SAMMSON: variants seen among roughly 807,000 people sequenced by gnomAD.
SAMMSON encodes survival associated mitochondrial melanoma specific oncogenic non-coding RNA, also known as long intergenic non-protein coding RNA 1212.
At chr3:70,383,357 A>AAC (rs949326105) in intron 9 of SAMMSON, among the ~76,000 whole-genome samples, 18 of 151,680 alleles carry the variant, frequency 1.2e-4, no homozygotes, top group Admixed American at 7.2e-4. Flanking sequence ...TAAAAAAAAA[A>AAC]AACAACCTTA....
intron 7 of SAMMSON, among the ~76,000 whole-genome samples, chr3:70,310,370 A>T (rs953073766): frequency 1.3e-5 from 2 of 151,548 alleles, no homozygotes; most frequent in Non-Finnish European, 2.9e-5. Context: ...TTTATGTATT[A>T]TTATTATTTT....
chr3:70,167,328 A>G (rs1160636752), intron 4 of SAMMSON, among the ~76,000 whole-genome samples: 4 of 152,044 alleles, frequency 2.6e-5, no homozygotes, highest in African/African-American at 7.2e-5. Flanking sequence ...GGTACAGAAT[A>G]TATAGTGAGT....
intron 4 of SAMMSON, among the ~76,000 whole-genome samples, chr3:70,235,593 C>T (rs1701599411): frequency 6.6e-6 from 1 of 152,174 alleles, no homozygotes; most frequent in Non-Finnish European, 1.5e-5. Flanking sequence ...CTGTCCTTGT[C>T]TTCTTTAATG....
At chr3:70,425,600 A>G (rs1701358345) in intron 2 of SAMMSON, among the ~76,000 whole-genome samples, 1 of 151,296 alleles carries the variant, frequency 6.6e-6, no homozygotes, top group Non-Finnish European at 1.5e-5. Context: ...TTTTTAGTAG[A>G]GACGGGGTTT....
chr3:70,242,240 C>T (rs1223008872), intron 4 of SAMMSON, among the ~76,000 whole-genome samples: 1 of 152,110 alleles, frequency 6.6e-6, no homozygotes, highest in East Asian at 1.9e-4. Flanking sequence ...ATTCATATGC[C>T]TCCAATTAAT....
At chr3:70,095,053 A>G (rs1320197632) in intron 4 of SAMMSON, among the ~76,000 whole-genome samples, 2 of 152,232 alleles carry the variant, frequency 1.3e-5, no homozygotes, top group East Asian at 3.9e-4. Context: ...ATTTGGGGTC[A>G]GCATGAAACA....
chr3:70,119,197 G>A (rs2067423188), intron 4 of SAMMSON, among the ~76,000 whole-genome samples: 1 of 152,110 alleles, frequency 6.6e-6, no homozygotes. Flanking sequence ...CTCCTGAGTA[G>A]CTGGGATTAC....
At chr3:70,281,810 A>T (rs1176978031) in intron 6 of SAMMSON, among the ~76,000 whole-genome samples, 1 of 152,180 alleles carries the variant, frequency 6.6e-6, no homozygotes, top group Non-Finnish European at 1.5e-5. Context: ...CATATGAATC[A>T]TAAGTGCACC....
intron 3 of SAMMSON, among the ~76,000 whole-genome samples, chr3:70,065,872 C>T (rs2067207642): frequency 6.6e-6 from 1 of 152,116 alleles, no homozygotes; most frequent in East Asian, 1.9e-4. Context: ...TGGTTGCCAA[C>T]AGGTGTCACC....
chr3:70,074,916 A>G (rs978235769), intron 4 of SAMMSON: 7 of 152,022 alleles, frequency 4.6e-5, no homozygotes, highest in Non-Finnish European at 7.4e-5. Flanking sequence ...AGTGTCGTCT[A>G]TGGTGTGATT....
intron 4 of SAMMSON, among the ~76,000 whole-genome samples, chr3:70,176,156 A>G (rs951886399): frequency 6.6e-6 from 1 of 152,114 alleles, no homozygotes; most frequent in Non-Finnish European, 1.5e-5. Flanking sequence ...TTCATGCTTT[A>G]ATATATTTCT....
intron 6 of SAMMSON, among the ~76,000 whole-genome samples, chr3:70,284,153 G>T (rs1014346470): frequency 2.4e-4 from 37 of 152,126 alleles, no homozygotes; most frequent in African/African-American, 8.4e-4. Context: ...GAAAGCAAGA[G>T]TCACAGTGTA....
chr3:70,372,429 G>A (rs1213209203), intron 9 of SAMMSON, among the ~76,000 whole-genome samples: 2 of 151,568 alleles, frequency 1.3e-5, no homozygotes, highest in East Asian at 1.9e-4. Flanking sequence ...CTGCTGCCTC[G>A]GCCTCCTGAG....
chr3:70,162,583 G>T (rs1205921754), intron 4 of SAMMSON, among the ~76,000 whole-genome samples: 1 of 151,846 alleles, frequency 6.6e-6, no homozygotes, highest in Non-Finnish European at 1.5e-5. Context: ...TGTTCCATGT[G>T]CACTTGAAGT....
chr3:70,066,319 T>G (rs1481717292), intron 3 of SAMMSON, among the ~76,000 whole-genome samples: 1 of 152,166 alleles, frequency 6.6e-6, no homozygotes, highest in African/African-American at 2.4e-5. Flanking sequence ...ACTTCAAATG[T>G]TTCTTCAAAA....
chr3:70,359,095 G>GA (rs1013916314), intron 9 of SAMMSON, among the ~76,000 whole-genome samples: 7 of 151,386 alleles, frequency 4.6e-5, no homozygotes, highest in Non-Finnish European at 1.0e-4. Flanking sequence ...AATTTGATTT[G>GA]AAAAAATATC....
chr3:70,279,905 G>C (rs1702064285), intron 6 of SAMMSON, among the ~76,000 whole-genome samples: 1 of 152,196 alleles, frequency 6.6e-6, no homozygotes, highest in Non-Finnish European at 1.5e-5. Context: ...GGCCAGAAGA[G>C]AAAGACATCA....
chr3:70,184,751 C>T (rs1701079969), intron 4 of SAMMSON, among the ~76,000 whole-genome samples: 1 of 152,320 alleles, frequency 6.6e-6, no homozygotes, highest in African/African-American at 2.4e-5. Flanking sequence ...AGACTAACCA[C>T]ATGAGGTCAT....
intron 4 of SAMMSON, among the ~76,000 whole-genome samples, chr3:70,245,234 A>T (rs1254309251): frequency 6.6e-6 from 1 of 152,124 alleles, no homozygotes; most frequent in Non-Finnish European, 1.5e-5. Flanking sequence ...TTCTAAAATT[A>T]TTTCAAAAGA....
Sources: gnomAD v4.1 joint callset for allele counts (sites outside exome capture counted in the v4.1 genomes callset) on GRCh38, gnomAD v4.1.1 for gene constraint, MANE v1.5 for transcripts, NCBI Gene and HGNC (gene_info 2026-07-23, HGNC 2026-07-21) for gene names.